Variants in PTPRG observed in about 807,000 individuals in gnomAD.
The protein encoded by PTPRG is protein tyrosine phosphatase receptor type G, also known as receptor-type tyrosine-protein phosphatase gamma.
In PTPRG, 102 loss-of-function variants were observed where a neutral mutation model predicts 165.3. The observed-to-expected ratio is 0.62, with a 90% confidence interval of 0.53 to 0.73. The LOEUF is 0.73. Ranked by LOEUF, PTPRG falls within the 30% of genes least tolerant of loss-of-function variation. PTPRG has a pLI of 0.00. For synonymous variants in PTPRG, 675 were observed against 669.5 expected (o/e 1.01, Z -0.13); for missense variants, 1,866 against 1,861.4 (o/e 1.00, Z -0.05).
intron 1 of PTPRG, among the ~76,000 whole-genome samples, chr3:61,573,580 T>C (rs930089026): frequency 6.6e-6 from 1 of 152,162 alleles, no homozygotes; most frequent in Non-Finnish European, 1.5e-5. Context: ...ACGCAATACA[T>C]TTACATGAAT....
chr3:61,871,658 G>A (rs1199756170), intron 2 of PTPRG, among the ~76,000 whole-genome samples: 1 of 152,180 alleles, frequency 6.6e-6, no homozygotes, highest in East Asian at 1.9e-4. Context: ...TTTTGTTGAT[G>A]TGAAGATTTG....
At chr3:61,615,199 C>A (rs1435831864) in intron 1 of PTPRG, among the ~76,000 whole-genome samples, 1 of 152,214 alleles carries the variant, frequency 6.6e-6, no homozygotes, top group African/African-American at 2.4e-5. Flanking sequence ...ACTGTCTAAT[C>A]CTCAGAACTC....
At chr3:62,148,562 G>A (rs1421875262) in intron 6 of PTPRG, among the ~76,000 whole-genome samples, 1 of 152,022 alleles carries the variant, frequency 6.6e-6, no homozygotes, top group East Asian at 1.9e-4. Context: ...TCAGGAGTTT[G>A]AGACCAGCCT....
chr3:61,852,599 A>G (rs780060539), intron 2 of PTPRG, among the ~76,000 whole-genome samples: 1 of 152,220 alleles, frequency 6.6e-6, no homozygotes, highest in Non-Finnish European at 1.5e-5. Context: ...CGAACATGGA[A>G]GCTGAGTCCC....
At chr3:61,936,916 G>C (rs984905835) in intron 2 of PTPRG, among the ~76,000 whole-genome samples, 1 of 152,230 alleles carries the variant, frequency 6.6e-6, no homozygotes, top group Non-Finnish European at 1.5e-5. Flanking sequence ...CTTAGAAGCA[G>C]AACTTGATCC....
rs180779524 is a variant in PTPRG at position 62,158,232 on chromosome 3, T to G, written c.840+1008T>G. 9.2e-5 allele frequency among the ~76,000 whole-genome samples: 14 copies of G among 152,246 alleles called. No homozygotes were observed. In the East Asian group the frequency reaches 2.5e-3, roughly 27 times the overall value. On this transcript the variant is annotated intron_variant, in intron 7 of 29. Transcript: ENST00000474889. ...CACCTCATGAGGTTTGAATGCATGG[T>G]TGGGGATGATTCTTAGGAGGGACAT...
At chr3:61,754,222 C>A (rs1575636145) in intron 2 of PTPRG, among the ~76,000 whole-genome samples, 1 of 152,306 alleles carries the variant, frequency 6.6e-6, no homozygotes, top group East Asian at 1.9e-4. Flanking sequence ...TAGCCAGGGG[C>A]CATCCATGGT....
chr3:61,929,395 C>G (rs183494675), intron 2 of PTPRG, among the ~76,000 whole-genome samples: 1 of 152,196 alleles, frequency 6.6e-6, no homozygotes, highest in Admixed American at 6.5e-5. Context: ...TAGTGGCATT[C>G]TCTTTTAATC....
intron 2 of PTPRG, among the ~76,000 whole-genome samples, chr3:61,761,658 C>G (rs895182916): frequency 6.6e-6 from 1 of 152,192 alleles, no homozygotes; most frequent in Non-Finnish European, 1.5e-5. Context: ...GTTTTGATTT[C>G]TGCAACCCAT....
intron 1 of PTPRG, among the ~76,000 whole-genome samples, chr3:61,686,664 T>C (rs1703642540): frequency 6.6e-6 from 1 of 152,238 alleles, no homozygotes; most frequent in Non-Finnish European, 1.5e-5. Flanking sequence ...TAATAGGGGC[T>C]GTTTTAATAA....
chr3:62,021,186 C>T (rs1031115197), intron 4 of PTPRG, among the ~76,000 whole-genome samples: 12 of 152,192 alleles, frequency 7.9e-5, no homozygotes, highest in African/African-American at 2.2e-4. Flanking sequence ...TTTAGTGTCA[C>T]ATAGTAGGTG....
chr3:62,010,043 G>A (rs757388788), intron 4 of PTPRG, among the ~76,000 whole-genome samples: 6 of 151,992 alleles, frequency 3.9e-5, no homozygotes, highest in Non-Finnish European at 5.9e-5. Context: ...TCAGCCTCCC[G>A]AGTAGCTGGG....
chr3:61,662,133 T>C (rs1411849088), intron 1 of PTPRG, among the ~76,000 whole-genome samples: 1 of 152,216 alleles, frequency 6.6e-6, no homozygotes, highest in Non-Finnish European at 1.5e-5. Context: ...AAGGTAATAG[T>C]CATTTGAACA....
intron 4 of PTPRG, among the ~76,000 whole-genome samples, chr3:62,018,046 T>C (rs913816424): frequency 3.9e-5 from 6 of 152,204 alleles, no homozygotes; most frequent in African/African-American, 1.4e-4. Flanking sequence ...ATTCCTTTCC[T>C]TGGTCCAGTC....
At chr3:61,944,942 T>C (rs2039719845) in intron 2 of PTPRG, among the ~76,000 whole-genome samples, 1 of 152,198 alleles carries the variant, frequency 6.6e-6, no homozygotes, top group Non-Finnish European at 1.5e-5. Flanking sequence ...TGCTCCCTGC[T>C]GTCTGTCCTA....
intron 2 of PTPRG, among the ~76,000 whole-genome samples, chr3:61,754,871 C>G (rs1052496210): frequency 2.0e-5 from 3 of 152,192 alleles, no homozygotes; most frequent in Admixed American, 6.5e-5. Flanking sequence ...TGTAGGACCT[C>G]AAATTTAATG....
chr3:62,186,501 A>G (rs1705891101), intron 8 of PTPRG, among the ~76,000 whole-genome samples: 1 of 148,962 alleles, frequency 6.7e-6, no homozygotes, highest in South Asian at 2.1e-4. Flanking sequence ...AGAGTGCAGG[A>G]GGACACGGGT....
chr3:61,809,835 C>T (rs574131351), intron 2 of PTPRG, among the ~76,000 whole-genome samples: 2 of 152,230 alleles, frequency 1.3e-5, no homozygotes, highest in East Asian at 1.9e-4. Flanking sequence ...GCTTTTTGAG[C>T]GGGTGCACAG....
chr3:62,093,194 G>C (rs767939486), intron 5 of PTPRG, among the ~76,000 whole-genome samples: 54 of 152,178 alleles, frequency 3.5e-4, no homozygotes, highest in Non-Finnish European at 6.5e-4. Flanking sequence ...GATCCCTTGA[G>C]GTCCCTTAAT....
Sources: allele counts gnomAD v4.1 joint callset (sites outside exome capture counted in the v4.1 genomes callset), GRCh38; gene constraint gnomAD v4.1.1; transcripts MANE v1.5; gene names NCBI Gene and HGNC (gene_info 2026-07-23, HGNC 2026-07-21).